The following EPHA5 variants were observed in gnomAD, a reference collection of about 807,000 sequenced individuals.
The protein encoded by EPHA5 is EPH receptor A5.
EPHA5 carries 60 observed loss-of-function variants against 105.0 expected under a neutral mutation model. That is an observed-to-expected ratio of 0.57 (90% confidence interval 0.46 to 0.71). EPHA5 has a LOEUF of 0.71. Among genes scored for constraint, EPHA5 ranks in the 30% least tolerant of loss-of-function variants. The probability of loss-of-function intolerance (pLI) is 0.00; values close to 1 mark genes in which losing one functional copy is unlikely to be tolerated. For missense variants in EPHA5, 1,218 were observed against 1,274.7 expected, an observed-to-expected ratio of 0.96 and a Z score of 0.68; for synonymous variants, 513 against 449.1, an observed-to-expected ratio of 1.14 and a Z score of -1.80.
At chr4:65,628,828 G>A (rs550236497) in intron 2 of EPHA5, among the ~76,000 whole-genome samples, 5 of 152,134 alleles carry the variant, frequency 3.3e-5, no homozygotes, top group South Asian at 2.1e-4. Flanking sequence ...TCGCACATTC[G>A]CATGTTATAA....
At chr4:65,377,875 T>G (rs115470693) in intron 8 of EPHA5, among the ~76,000 whole-genome samples, 69 of 152,070 alleles carry the variant, frequency 4.5e-4, no homozygotes, top group African/African-American at 1.6e-3. Flanking sequence ...TGCATTCAAT[T>G]CTATGTATTT....
At chr4:65,480,618 C>T (rs186018852) in intron 5 of EPHA5, among the ~76,000 whole-genome samples, 5 of 152,280 alleles carry the variant, frequency 3.3e-5, no homozygotes, top group Admixed American at 6.5e-5. Flanking sequence ...AACGGCAATG[C>T]TACTTGTGGC....
chr4:65,534,909 G>A (rs1005641935), intron 3 of EPHA5, among the ~76,000 whole-genome samples: 7 of 152,166 alleles, frequency 4.6e-5, no homozygotes, highest in African/African-American at 1.7e-4. Context: ...AAGAAAGTTT[G>A]TCCGTAGTTC....
At chr4:65,461,678 G>T (rs1021254040) in intron 5 of EPHA5, among the ~76,000 whole-genome samples, 18 of 151,942 alleles carry the variant, frequency 1.2e-4, no homozygotes, top group African/African-American at 4.3e-4. Flanking sequence ...TTTCATAAAA[G>T]ATATATAAAC....
intron 2 of EPHA5, among the ~76,000 whole-genome samples, chr4:65,616,766 C>T (rs958362302): frequency 6.6e-6 from 1 of 151,908 alleles, no homozygotes; most frequent in Admixed American, 6.6e-5. Context: ...TTTCTCTATA[C>T]TTTGAATTAA....
At chr4:65,505,807 A>T (rs1196971593) in intron 3 of EPHA5, among the ~76,000 whole-genome samples, 1 of 152,072 alleles carries the variant, frequency 6.6e-6, no homozygotes, top group East Asian at 1.9e-4. Context: ...TTTGAGAGTG[A>T]TTTAACCAAG....
intron 1 of EPHA5, among the ~76,000 whole-genome samples, chr4:65,655,811 T>C (rs1297863068): frequency 6.6e-6 from 1 of 152,126 alleles, no homozygotes; most frequent in Non-Finnish European, 1.5e-5. Flanking sequence ...AATGAGCACC[T>C]CTGCATTAGG....
intron 8 of EPHA5, among the ~76,000 whole-genome samples, chr4:65,399,686 A>G (rs1721619433): frequency 6.6e-6 from 1 of 152,252 alleles, no homozygotes; most frequent in African/African-American, 2.4e-5. Context: ...GGAAAAGTAC[A>G]TGTGTGCAAT....
intron 2 of EPHA5, among the ~76,000 whole-genome samples, chr4:65,605,712 T>C (rs898640391): frequency 2.6e-5 from 4 of 151,596 alleles, no homozygotes; most frequent in African/African-American, 9.7e-5. Context: ...GGAGTAGACA[T>C]CTGAAAAAAA....
At chr4:65,397,092 G>C (rs1721315627) in intron 8 of EPHA5, among the ~76,000 whole-genome samples, 1 of 152,210 alleles carries the variant, frequency 6.6e-6, no homozygotes, top group Admixed American at 6.5e-5. Flanking sequence ...CTTTGGCCCT[G>C]TCCAATTTGC....
In EPHA5 at chr4:65,328,773, G is replaced by A. The variant is rs537928866; in HGVS notation, c.2945+3200C>T. Reference sequence around the variant, plus strand: ...TCTGTTAATGGTTCTCAATGGAAGAGATGTTGTCAGGGCTAGAACACAGAG... The same window carrying A: ...TCTGTTAATGGTTCTCAATGGAAGAAATGTTGTCAGGGCTAGAACACAGAG... On this transcript the variant is annotated intron_variant, in intron 16 of 16. Transcript: ENST00000613740. Among the ~76,000 whole-genome samples the A allele has an allele frequency of 7.3e-5, 11 of 151,236 alleles. No individual in the cohort carries two copies. In the South Asian group the frequency reaches 1.0e-3, roughly 14 times the overall value.
intron 5 of EPHA5, among the ~76,000 whole-genome samples, chr4:65,488,173 C>A (rs1425076384): frequency 1.3e-5 from 2 of 152,000 alleles, no homozygotes; most frequent in African/African-American, 2.4e-5. Context: ...ATTCAAGTTT[C>A]AAATAATATA....
intron 3 of EPHA5, among the ~76,000 whole-genome samples, chr4:65,552,429 C>T (rs929288499): frequency 2.6e-5 from 4 of 152,264 alleles, no homozygotes; most frequent in African/African-American, 9.6e-5. Flanking sequence ...ATCGGAAAAT[C>T]AGATAATTTT....
chr4:65,541,044 T>A (rs1736779885), intron 3 of EPHA5, among the ~76,000 whole-genome samples: 1 of 151,220 alleles, frequency 6.6e-6, no homozygotes, highest in Non-Finnish European at 1.5e-5. Context: ...TGTCTGCACC[T>A]CCCTCCCTCC....
chr4:65,388,582 T>C (rs1384023902), intron 8 of EPHA5, among the ~76,000 whole-genome samples: 4 of 152,038 alleles, frequency 2.6e-5, no homozygotes, highest in East Asian at 1.9e-4. Context: ...TGATGAGTAT[T>C]TTTTCATGTG....
chr4:65,566,297 T>C (rs62300403), intron 3 of EPHA5, among the ~76,000 whole-genome samples: 3,988 of 151,874 alleles, frequency 0.026, 90 homozygotes, highest in South Asian at 0.083. Context: ...CACAATTCTC[T>C]CTGGTAGATG....
chr4:65,539,297 T>G (rs988926715), intron 3 of EPHA5, among the ~76,000 whole-genome samples: 6 of 151,676 alleles, frequency 4.0e-5, no homozygotes, highest in African/African-American at 1.5e-4. Flanking sequence ...ATTAAAATTC[T>G]TAAAAGATGG....
intron 1 of EPHA5, among the ~76,000 whole-genome samples, chr4:65,651,575 T>G (rs528652119): frequency 3.2e-4 from 49 of 152,324 alleles, no homozygotes; most frequent in African/African-American, 1.1e-3. Context: ...TGACTTTTAT[T>G]TTTCCTTTAG....
At chr4:65,337,837 A>G (rs1721330482) in intron 14 of EPHA5, among the ~76,000 whole-genome samples, 1 of 152,074 alleles carries the variant, frequency 6.6e-6, no homozygotes, top group Non-Finnish European at 1.5e-5. Context: ...ATTATTAGAA[A>G]TACCAAAAGC....
Sources: allele counts gnomAD v4.1 joint callset (sites outside exome capture counted in the v4.1 genomes callset), GRCh38; gene constraint gnomAD v4.1.1; transcripts MANE v1.5; gene names NCBI Gene and HGNC (gene_info 2026-07-23, HGNC 2026-07-21).